PALD1: variants seen among roughly 807,000 people sequenced by gnomAD.
The protein encoded by PALD1 is paladin.
A neutral mutation model predicts 96.0 loss-of-function variants in PALD1; 57 were observed. That is an observed-to-expected ratio of 0.59 (90% CI 0.48 to 0.74). The LOEUF (loss-of-function observed/expected upper bound fraction) is 0.74. Ranked by LOEUF, PALD1 falls within the 30% of genes least tolerant of loss-of-function variation. The pLI is 0.00. For missense variants in PALD1, 1,063 were observed against 1,143.7 expected, an observed-to-expected ratio of 0.93 and a Z score of 1.02; for synonymous variants, 464 against 473.6, an observed-to-expected ratio of 0.98 and a Z score of 0.26.
At chr10:70,498,145 T>C (rs1017963338) in intron 1 of PALD1, among the ~76,000 whole-genome samples, 1 of 152,188 alleles carries the variant, frequency 6.6e-6, no homozygotes, top group African/African-American at 2.4e-5. Context: ...TTGACCAAGG[T>C]ATCTCATATT....
intron 18 of PALD1, among the ~76,000 whole-genome samples, chr10:70,555,620 C>A (rs886948089): frequency 6.6e-6 from 1 of 152,216 alleles, no homozygotes; most frequent in African/African-American, 2.4e-5. Flanking sequence ...CAGCTCCGTG[C>A]CCCAAGGGCT....
chr10:70,539,261 C>A lies in PALD1; in HGVS notation c.1725+14C>A. 1 of 1,599,338 alleles carries A rather than the reference C, an allele frequency of 6.3e-7. No homozygotes were observed. Among genetic ancestry groups the A allele is most frequent in the Non-Finnish European group, 8.5e-7 (1 of 1,174,004 alleles). ...GACCAGCTGGAGGTGAGGCCCCCTG[C>A]CCTCTAGGCACCCCTGCCTCCGAGG... On this transcript the variant is annotated intron_variant, in intron 14 of 19. Coordinates refer to ENST00000263563, the MANE Select transcript of PALD1 (RefSeq NM_014431.3). The surrounding 1 kb of genome is among the most constrained non-coding windows in gnomAD (Gnocchi z 4.5).
intron 1 of PALD1, among the ~76,000 whole-genome samples, chr10:70,482,451 T>G (rs2132254591): frequency 6.6e-6 from 1 of 152,276 alleles, no homozygotes; most frequent in African/African-American, 2.4e-5. Context: ...TAACTGGTGC[T>G]CAGCACAGGA....
At chr10:70,515,061 G>T (rs1003844653) in intron 1 of PALD1, among the ~76,000 whole-genome samples, 2 of 152,206 alleles carry the variant, frequency 1.3e-5, no homozygotes, top group Admixed American at 1.3e-4. Flanking sequence ...AGTCTTTGGT[G>T]CCTACTTGTT....
Position 70,567,122 on chromosome 10 carries a change from G to A in PALD1, c.*389G>A, listed in dbSNP as rs1847871490. 1 of 193,416 alleles carries A rather than the reference G, an allele frequency of 5.2e-6. No individual in the cohort carries two copies. Among genetic ancestry groups the A allele is most frequent in the Non-Finnish European group, 1.0e-5 (1 of 95,846 alleles). 12.0% of individuals were successfully genotyped at this position (193,416 alleles called of 1,614,324 possible). The stretch of plus-strand genomic sequence containing the variant: ...CTCTCAGATTGGCCTGGCAGCCCCT[G>A]GCACAGAGCAGACCCGGCCACTGGT... On this transcript the variant is annotated 3_prime_UTR_variant, in exon 20 of 20. Coordinates refer to ENST00000263563, the MANE Select transcript of PALD1 (RefSeq NM_014431.3).
intron 1 of PALD1, among the ~76,000 whole-genome samples, chr10:70,524,622 T>C (rs1343359986): frequency 6.6e-6 from 1 of 152,254 alleles, no homozygotes; most frequent in Admixed American, 6.5e-5. Context: ...TGTCTGTCCC[T>C]TGGACTCATC....
At chr10:70,551,491 CA>C (rs1265786554) in intron 18 of PALD1, among the ~76,000 whole-genome samples, 1 of 152,134 alleles carries the variant, frequency 6.6e-6, no homozygotes, top group Non-Finnish European at 1.5e-5. Context: ...GTTCTAGGAC[CA>C]GTCCACATTT....
chr10:70,503,127 G>A (rs1201096949), intron 1 of PALD1, among the ~76,000 whole-genome samples: 1 of 152,092 alleles, frequency 6.6e-6, no homozygotes, highest in African/African-American at 2.4e-5. Flanking sequence ...TGATCTGCCT[G>A]CCTCGGCCTC....
intron 19 of PALD1, 131 bp downstream of exon 19, chr10:70,564,650 T>C (rs1389482937): frequency 1.2e-6 from 1 of 815,694 alleles, no homozygotes. Context: ...CCATCCCCCT[T>C]TCTGCAGGAG....
chr10:70,484,350 A>C (rs1845981805), intron 1 of PALD1, among the ~76,000 whole-genome samples: 1 of 152,200 alleles, frequency 6.6e-6, no homozygotes, highest in Admixed American at 6.5e-5. Context: ...ATTGATTAAC[A>C]CTGTTAAATC....
At chr10:70,551,024 T>C (rs1847467935) in intron 18 of PALD1, among the ~76,000 whole-genome samples, 1 of 152,236 alleles carries the variant, frequency 6.6e-6, no homozygotes, top group Non-Finnish European at 1.5e-5. Context: ...AATTCTGTGT[T>C]TAACCTTTTC....
rs1193890611 is a variant in PALD1 at position 70,533,969 on chromosome 10, A to G, written c.918A>G (p.Pro306=). Residue 306 remains proline (P), a synonymous_variant, in exon 8 of 20, where the codon CCA becomes CCG. Transcript: ENST00000263563. ...TCCGTGATGCCCACGGGCCTCCCCC[A>G]GCCCTCGTCTTCAGCTGCCAGATGG... ...LQLRDAHGPP[P]ALVFSCQMGV... The G allele has an allele frequency of 2.5e-6, 4 of 1,613,022 alleles. No individual in the cohort carries two copies. The African/African-American group carries it at 5.3e-5, about 22-fold the overall frequency.
At chr10:70,557,591 G>A (rs554672141) in intron 18 of PALD1, among the ~76,000 whole-genome samples, 3 of 152,166 alleles carry the variant, frequency 2.0e-5, no homozygotes, top group Admixed American at 6.5e-5. Flanking sequence ...ACAGAAAAGC[G>A]TCCTGTACTG....
In PALD1 at chr10:70,543,925, G is replaced by C. The variant is rs370597838; in HGVS notation, c.2121+2391G>C. 7.4e-4 allele frequency among the ~76,000 whole-genome samples: 113 copies of C among 152,240 alleles called. 2 individuals carry two copies. In the South Asian group the frequency reaches 0.023, roughly 31 times the overall value. ...ACCCTAGGGCCACATCAGAGAGGTGGGGCTGGGGTATAAGCCAGGCTGTAG... is the reference window on the plus strand; with the variant it reads ...ACCCTAGGGCCACATCAGAGAGGTGCGGCTGGGGTATAAGCCAGGCTGTAG... On this transcript the variant is annotated intron_variant, in intron 17 of 19. Coordinates refer to ENST00000263563, the MANE Select transcript of PALD1 (RefSeq NM_014431.3).
intron 1 of PALD1, among the ~76,000 whole-genome samples, chr10:70,523,612 T>C (rs1846787323): frequency 6.6e-6 from 1 of 152,208 alleles, no homozygotes; most frequent in Admixed American, 6.5e-5. Flanking sequence ...GCTCATTCCC[T>C]CCACCCTTGC....
At chr10:70,490,249 TCTCA>T (rs1846077882) in intron 1 of PALD1, among the ~76,000 whole-genome samples, 1 of 152,044 alleles carries the variant, frequency 6.6e-6, no homozygotes, top group South Asian at 2.1e-4. Flanking sequence ...TTTTTAAAGG[TCTCA>T]CTCTGTTGCT....
At chr10:70,538,751 A>G in intron 12 of PALD1, 141 bp from the exon 13 acceptor site, 1 of 717,570 alleles carries the variant, frequency 1.4e-6, no homozygotes, top group South Asian at 1.7e-5. Context: ...GGCCGGGGGA[A>G]GCTCCAAGTG....
chr10:70,545,415 G>A (rs1847342045), intron 17 of PALD1, among the ~76,000 whole-genome samples: 1 of 152,024 alleles, frequency 6.6e-6, no homozygotes, highest in African/African-American at 2.4e-5. Context: ...GGGTACTGCT[G>A]TGGAGGCAAA....
intron 7 of PALD1, among the ~76,000 whole-genome samples, chr10:70,533,318 CCTGT>C (rs1259543218): frequency 6.6e-6 from 1 of 150,770 alleles, no homozygotes; most frequent in Non-Finnish European, 1.5e-5. Flanking sequence ...TCTGTGTGTT[CCTGT>C]CTGTGTGTCT....
Sources: allele counts gnomAD v4.1 joint callset (sites outside exome capture counted in the v4.1 genomes callset), GRCh38; gene constraint gnomAD v4.1.1; non-coding constraint Gnocchi (gnomAD v3.1); transcripts MANE v1.5; gene names NCBI Gene and HGNC (gene_info 2026-07-23, HGNC 2026-07-21).